The following TAFA2 variants were observed in gnomAD, a reference collection of about 807,000 sequenced individuals.
TAFA2 encodes TAFA chemokine like family member 2, also known as chemokine-like protein TAFA-2.
TAFA2 carries 7 observed loss-of-function variants against 18.8 expected under a neutral mutation model. The ratio of observed to expected loss-of-function variants is 0.37; its 90% CI spans 0.21 to 0.70. The LOEUF is 0.70. Ranked by LOEUF, TAFA2 falls within the 30% of genes least tolerant of loss-of-function variation. The pLI is 0.53. For synonymous variants in TAFA2, 60 were observed against 54.2 expected, an observed-to-expected ratio of 1.11 and a Z score of -0.47; for missense variants, 122 against 158.1, an observed-to-expected ratio of 0.77 and a Z score of 1.23.
intron 4 of TAFA2, among the ~76,000 whole-genome samples, chr12:61,731,193 T>C (rs1401828980): frequency 6.6e-6 from 1 of 152,160 alleles, no homozygotes; most frequent in African/African-American, 2.4e-5. Flanking sequence ...CCTTCTCCCA[T>C]CATCTGGTTT....
chr12:62,033,300 A>T (rs1881510742), intron 1 of TAFA2, among the ~76,000 whole-genome samples: 1 of 152,196 alleles, frequency 6.6e-6, no homozygotes, highest in African/African-American at 2.4e-5. Context: ...AATGTCCATG[A>T]ACTAAGGAAT....
chr12:62,203,186 G>A (rs142472786), intron 1 of TAFA2, among the ~76,000 whole-genome samples: 201 of 152,310 alleles, frequency 1.3e-3, no homozygotes, highest in African/African-American at 4.4e-3. Flanking sequence ...ATTTGATTGT[G>A]CTGTGGTCTG....
At chr12:62,003,359 A>G (rs1362830056) in intron 1 of TAFA2, among the ~76,000 whole-genome samples, 1 of 152,114 alleles carries the variant, frequency 6.6e-6, no homozygotes, top group Non-Finnish European at 1.5e-5. Flanking sequence ...TCAATCCAGG[A>G]AGTTAAACTG....
chr12:61,914,755 A>G (rs1454390521), intron 1 of TAFA2, among the ~76,000 whole-genome samples: 2 of 152,164 alleles, frequency 1.3e-5, no homozygotes, highest in Non-Finnish European at 2.9e-5. Flanking sequence ...AGACATCTGG[A>G]GTTGACAAAA....
At chr12:61,982,892 A>G (rs1879687704) in intron 1 of TAFA2, among the ~76,000 whole-genome samples, 1 of 149,924 alleles carries the variant, frequency 6.7e-6, no homozygotes, top group South Asian at 2.1e-4. Flanking sequence ...AAAAAAAAAA[A>G]AAGTTACTTT....
chr12:62,218,244 C>G (rs113097609), intron 1 of TAFA2, among the ~76,000 whole-genome samples: 1 of 151,962 alleles, frequency 6.6e-6, no homozygotes, highest in African/African-American at 2.4e-5. Flanking sequence ...CAATCCTCCC[C>G]GCTCAGCCTC....
At chr12:61,970,424 A>T (rs1455756398) in intron 1 of TAFA2, among the ~76,000 whole-genome samples, 1 of 151,712 alleles carries the variant, frequency 6.6e-6, no homozygotes, top group African/African-American at 2.4e-5. Flanking sequence ...ATTGTTAAAT[A>T]TGATAAGAAT....
At chr12:61,885,593 C>T (rs1875339966) in intron 1 of TAFA2, among the ~76,000 whole-genome samples, 1 of 152,174 alleles carries the variant, frequency 6.6e-6, no homozygotes, top group African/African-American at 2.4e-5. Context: ...CACCTCAGTT[C>T]ACCTTTGCTG....
At chr12:62,140,265 T>C (rs1026823126) in intron 1 of TAFA2, 2 of 152,218 alleles carry the variant, frequency 1.3e-5, no homozygotes, top group Non-Finnish European at 2.9e-5. Context: ...GCAAGAATTA[T>C]GGCTTTCTTC....
intron 1 of TAFA2, among the ~76,000 whole-genome samples, chr12:62,129,443 C>G (rs1194941777): frequency 6.6e-6 from 1 of 151,922 alleles, no homozygotes; most frequent in Non-Finnish European, 1.5e-5. Context: ...GATAACTATA[C>G]CACAGCATAA....
intron 1 of TAFA2, among the ~76,000 whole-genome samples, chr12:62,152,908 T>C (rs534116119): frequency 3.9e-5 from 6 of 152,368 alleles, no homozygotes; most frequent in African/African-American, 1.4e-4. Flanking sequence ...TGTGATACGT[T>C]GATGTCTAGC....
intron 1 of TAFA2, among the ~76,000 whole-genome samples, chr12:62,092,522 A>G (rs1428528083): frequency 6.6e-6 from 1 of 151,988 alleles, no homozygotes; most frequent in Non-Finnish European, 1.5e-5. Flanking sequence ...AATAATCTAA[A>G]TTCTTTGAAA....
chr12:61,813,138 G>A lies in TAFA2; in HGVS notation c.106+54182C>T, dbSNP rs144047480. 6.1e-3 allele frequency among the ~76,000 whole-genome samples: 927 copies of A among 151,244 alleles called. 59 individuals are homozygous for A. The highest frequency in any genetic ancestry group is 0.022 in the African/African-American group (879 of 40,674). On this transcript the variant is annotated intron_variant, in intron 2 of 4. Transcript: ENST00000416284. ...AAAATGCCCGATTACTAGAAAATTAGATTGTATTTATGTTTACTATCATTA... is the reference window on the plus strand; with the variant it reads ...AAAATGCCCGATTACTAGAAAATTAAATTGTATTTATGTTTACTATCATTA...
chr12:62,117,471 A>C (rs1870010627), intron 1 of TAFA2, among the ~76,000 whole-genome samples: 1 of 152,214 alleles, frequency 6.6e-6, no homozygotes, highest in African/African-American at 2.4e-5. Context: ...GAAATTCCAC[A>C]TATTGACTCA....
chr12:62,211,567 G>A (rs367680182), intron 1 of TAFA2, among the ~76,000 whole-genome samples: 38 of 127,900 alleles, frequency 3.0e-4, no homozygotes, highest in Admixed American at 4.1e-4. Flanking sequence ...GTGACAGAGC[G>A]AGGCTCCGTC....
chr12:62,171,823 A>G (rs918589048), intron 1 of TAFA2, among the ~76,000 whole-genome samples: 3 of 152,200 alleles, frequency 2.0e-5, no homozygotes, highest in Admixed American at 6.5e-5. Context: ...ACCCCCTACC[A>G]ACAGACAAAA....
intron 1 of TAFA2, among the ~76,000 whole-genome samples, chr12:62,086,322 T>C (rs1193269531): frequency 6.6e-6 from 1 of 152,120 alleles, no homozygotes; most frequent in Non-Finnish European, 1.5e-5. Flanking sequence ...TAAAAACTTT[T>C]GTATGTCAGA....
At chr12:61,893,153 C>T (rs1875704713) in intron 1 of TAFA2, among the ~76,000 whole-genome samples, 1 of 152,054 alleles carries the variant, frequency 6.6e-6, no homozygotes, top group African/African-American at 2.4e-5. Context: ...AAGAAGGTAT[C>T]CCAAGAAGGA....
At chr12:62,111,888 C>T (rs1011013644) in intron 1 of TAFA2, among the ~76,000 whole-genome samples, 10 of 152,094 alleles carry the variant, frequency 6.6e-5, no homozygotes, top group African/African-American at 1.4e-4. Context: ...TGTCTTTGCA[C>T]GTGAGATAGG....
Sources: allele counts gnomAD v4.1 joint callset (sites outside exome capture counted in the v4.1 genomes callset), GRCh38; gene constraint gnomAD v4.1.1; transcripts MANE v1.5; gene names NCBI Gene and HGNC (gene_info 2026-07-23, HGNC 2026-07-21).